Variants in FXYD2 observed in about 807,000 individuals in gnomAD.
The protein encoded by FXYD2 is FXYD domain containing ion transport regulator 2, also known as sodium/potassium-transporting ATPase subunit gamma.
A neutral mutation model predicts 11.8 loss-of-function variants in FXYD2; 8 were observed. The ratio of observed to expected loss-of-function variants is 0.68; its 90% confidence interval spans 0.40 to 1.22. FXYD2 has a LOEUF of 1.22. Ranked by LOEUF, FXYD2 falls within the 50% of genes most tolerant of loss-of-function variation. The pLI is 0.01. For missense variants in FXYD2, 92 were observed against 91.8 expected (o/e 1.00, Z -0.01); for synonymous variants, 42 against 33.3 (o/e 1.26, Z -0.90).
chr11:117,822,366 C>T lies in FXYD2; in HGVS notation c.139+40G>A, dbSNP rs539537167. 1.9e-6 allele frequency: 3 copies of T among 1,550,934 alleles called. 1 individual carries two copies. Among genetic ancestry groups the T allele is most frequent in the Non-Finnish European group, 2.6e-6 (3 of 1,147,058 alleles). On this transcript the variant is annotated intron_variant, in intron 3 of 5. Coordinates refer to ENST00000292079, the MANE Select transcript of FXYD2 (RefSeq NM_001680.5). The surrounding 1 kb of genome is among the most constrained non-coding windows in gnomAD (Gnocchi z 4.7). ...CTCAGCGGCCTTGAGAAGAGAGGTG[C>T]CCTGGTCAGCACCCCTTCCCTGGAG... is the stretch of plus-strand genomic sequence containing the variant.
intron 1 of FXYD2, among the ~76,000 whole-genome samples, chr11:117,823,493 C>G (rs1403836998): frequency 6.6e-6 from 1 of 152,230 alleles, no homozygotes; most frequent in Non-Finnish European, 1.5e-5. Flanking sequence ...GCCCTTTGAT[C>G]TGCCACCTCT....
chr11:117,827,655 C>T (rs551107616), upstream of FXYD2, among the ~76,000 whole-genome samples: 9 of 152,316 alleles, frequency 5.9e-5, no homozygotes, highest in African/African-American at 2.2e-4. Context: ...AGTTAAATAA[C>T]TTGCCAGAGG....
upstream of FXYD2, among the ~76,000 whole-genome samples, chr11:117,826,951 A>G (rs904981019): frequency 5.3e-5 from 8 of 152,022 alleles, no homozygotes; most frequent in African/African-American, 1.9e-4. Context: ...GGGGGCATTA[A>G]ACATTAACAG....
chr11:117,820,998 A>G, intron 3 of FXYD2, 103 bp from the exon 4 acceptor site: 1 of 1,539,252 alleles, frequency 6.5e-7, no homozygotes, highest in Non-Finnish European at 9.0e-7. Flanking sequence ...TCCTGCCAGT[A>G]TCATCGCAGG....
At chr11:117,827,981 C>T, upstream of FXYD2, 1 of 1,514,108 alleles carries the variant, frequency 6.6e-7, no homozygotes, top group Non-Finnish European at 9.0e-7. Context: ...AGGAATGGGG[C>T]TCAGAGGACT....
chr11:117,821,343 G>A (rs943567693), intron 3 of FXYD2: 38 of 989,610 alleles, frequency 3.8e-5, no homozygotes, highest in East Asian at 1.1e-4. Context: ...TTACAGGCAT[G>A]AGCCACCACG....
upstream of FXYD2, chr11:117,828,058 G>A (rs772640703): frequency 7.4e-5 from 115 of 1,550,044 alleles, 1 homozygote; most frequent in African/African-American, 1.1e-3. Context: ...AGAGCAGGGA[G>A]GTGCTGCTTG....
chr11:117,821,520 GATGA>G, intron 3 of FXYD2: 1 of 985,926 alleles, frequency 1.0e-6, no homozygotes, highest in South Asian at 4.7e-5. Context: ...ACAGCTGCCC[GATGA>G]ACACCTGGAG....
chr11:117,827,938 G>T, upstream of FXYD2: 1 of 1,173,030 alleles, frequency 8.5e-7, no homozygotes, highest in Non-Finnish European at 1.2e-6. Flanking sequence ...AAGGGACGGG[G>T]CTGGCACCTG....
Position 117,822,788 on chromosome 11 carries a change from C to T in FXYD2, c.26-71G>A. The T allele has an allele frequency of 6.4e-7, 1 of 1,568,856 alleles. No individual in the cohort carries two copies. The highest frequency in any genetic ancestry group is 8.6e-7 in the Non-Finnish European group (1 of 1,158,256). ...GCCAGCCACAGGAACAGCTGGAATT[C>T]CCTGTCCTTCCCTTCCCAGAGGACC... is the stretch of plus-strand genomic sequence containing the variant. On this transcript the variant is annotated intron_variant, in intron 1 of 5. Transcript: ENST00000292079. This position sits in a 1 kb window ranked among gnomAD's most constrained non-coding sequence, Gnocchi z 4.7.
intron 1 of FXYD2, among the ~76,000 whole-genome samples, chr11:117,823,281 T>C (rs1011362629): frequency 2.0e-5 from 3 of 152,222 alleles, no homozygotes; most frequent in Non-Finnish European, 4.4e-5. Context: ...TATATAGTGC[T>C]GGTCAGGCAC....
chr11:117,828,025 C>A (rs1340049351), upstream of FXYD2: 1 of 1,550,730 alleles, frequency 6.4e-7, no homozygotes, highest in Non-Finnish European at 8.7e-7. Context: ...GCAGGAGCTG[C>A]TGGTTGTGTC....
chr11:117,821,682 G>A, intron 3 of FXYD2: 1 of 961,970 alleles, frequency 1.0e-6, no homozygotes, highest in Non-Finnish European at 1.2e-6. Context: ...TGTGGCCCGA[G>A]CCTTGGGGTG....
rs2055885664 is a variant in FXYD2, at chr11:117,820,902, A to G, written c.140-7T>C. The G allele has an allele frequency of 1.2e-6, 2 of 1,614,068 alleles. No individual in the cohort carries two copies. Among genetic ancestry groups the G allele is most frequent in the Non-Finnish European group, 1.7e-6 (2 of 1,180,040 alleles). ...CCACAGCGGAATCTTCTGCCTTGAA[A>G]AGAGAAAAGGAGATTTGTTTCCATG... On this transcript the variant is annotated splice_polypyrimidine_tract_variant and splice_region_variant and intron_variant, in intron 3 of 5. Coordinates refer to ENST00000292079, the MANE Select transcript of FXYD2 (RefSeq NM_001680.5).
chr11:117,822,051 T>G lies in FXYD2; in HGVS notation c.139+355A>C, dbSNP rs746273112. The G allele has an allele frequency of 1.3e-4, 163 of 1,230,426 alleles. No individual in the cohort carries two copies. Among genetic ancestry groups the G allele is most frequent in the Non-Finnish European group, 1.6e-4 (153 of 971,110 alleles). 76.2% of individuals were successfully genotyped at this position (1,230,426 alleles called of 1,614,324 possible). A position where few individuals can be genotyped will look rare whatever the true frequency, so the allele number is the denominator to read the frequency against. ...TCTTTGGATGCTAGCCCTAATCTTGTGAGGCAGGTGGGATCATCCCTATTT... is the reference window on the plus strand; with the variant it reads ...TCTTTGGATGCTAGCCCTAATCTTGGGAGGCAGGTGGGATCATCCCTATTT... On this transcript the variant is annotated intron_variant, in intron 3 of 5. Transcript: ENST00000292079. The surrounding 1 kb of genome is among the most constrained non-coding windows in gnomAD (Gnocchi z 4.7).
chr11:117,822,809 G>C lies in FXYD2; in HGVS notation c.26-92C>G. 6.5e-7 allele frequency: 1 copy of C among 1,528,618 alleles called. No individual in the cohort carries two copies. Among genetic ancestry groups the C allele is most frequent in the Non-Finnish European group, 8.9e-7 (1 of 1,128,578 alleles). 94.7% of individuals were successfully genotyped at this position (1,528,618 alleles called of 1,614,324 possible). A position where few individuals can be genotyped will look rare whatever the true frequency, so the allele number is the denominator to read the frequency against. On this transcript the variant is annotated intron_variant, in intron 1 of 5. Transcript: ENST00000292079. This position sits in a 1 kb window ranked among gnomAD's most constrained non-coding sequence, Gnocchi z 4.7. ...AATTCCCTGTCCTTCCCTTCCCAGA[G>C]GACCCTCGAGGGTCCAAGCAGGCGA... is the stretch of plus-strand genomic sequence containing the variant.
chr11:117,821,954 C>T (rs900736004), intron 3 of FXYD2: 29 of 1,056,882 alleles, frequency 2.7e-5, no homozygotes, highest in Admixed American at 9.8e-5. Flanking sequence ...GGATACATAA[C>T]TCTCTTTGTC....
upstream of FXYD2, among the ~76,000 whole-genome samples, chr11:117,825,045 T>C (rs2056004455): frequency 6.6e-6 from 1 of 152,212 alleles, no homozygotes; most frequent in Admixed American, 6.5e-5. Flanking sequence ...ATCTCTTCAG[T>C]GTACACTGTA....
intron 1 of FXYD2, among the ~76,000 whole-genome samples, chr11:117,823,632 C>T (rs1407035400): frequency 6.6e-6 from 1 of 152,228 alleles, no homozygotes; most frequent in Non-Finnish European, 1.5e-5. Flanking sequence ...ACACTTGCCC[C>T]GGACAGCCAG....
Sources: gnomAD v4.1 joint callset for allele counts (sites outside exome capture counted in the v4.1 genomes callset) on GRCh38, gnomAD v4.1.1 for gene constraint, Gnocchi (gnomAD v3.1) non-coding constraint, MANE v1.5 for transcripts, NCBI Gene and HGNC (gene_info 2026-07-23, HGNC 2026-07-21) for gene names.